The following TRERF1 variants were observed in gnomAD, a reference collection of about 807,000 sequenced individuals.
The protein encoded by TRERF1 is transcriptional regulating factor 1.
TRERF1 carries 27 observed loss-of-function variants against 122.9 expected under a neutral mutation model. The ratio of observed to expected loss-of-function variants is 0.22; its 90% CI spans 0.16 to 0.30. TRERF1 has a LOEUF of 0.30. TRERF1 is among the 10% of genes least tolerant of loss of function. TRERF1 has a pLI of 1.00. For missense variants in TRERF1, 1,248 were observed against 1,560.3 expected, an observed-to-expected ratio of 0.80 and a Z score of 3.37; for synonymous variants, 636 against 641.7, an observed-to-expected ratio of 0.99 and a Z score of 0.13.
At position 42,431,544 on chromosome 6, in the gene TRERF1, A is replaced by G. The variant is rs112330483; in HGVS notation, c.-454+19633T>C. Among the ~76,000 whole-genome samples the G allele has an allele frequency of 1.4e-3, 214 of 152,302 alleles. 1 individual carries two copies. The highest frequency in any genetic ancestry group is 4.5e-3 in the African/African-American group (189 of 41,548). ...GCCCTGTGGCTGCCCTGATACTCCA[A>G]TTAGTGGGCCCTCTATTTACACCTC... On this transcript the variant is annotated intron_variant, in intron 2 of 17. Transcript: ENST00000372922.
intron 2 of TRERF1, among the ~76,000 whole-genome samples, chr6:42,415,186 A>C (rs779510178): frequency 6.6e-6 from 1 of 152,174 alleles, no homozygotes; most frequent in Non-Finnish European, 1.5e-5. Flanking sequence ...AGAACCACTT[A>C]CACTTCTTTT....
intron 4 of TRERF1, among the ~76,000 whole-genome samples, chr6:42,274,552 C>T (rs1345870554): frequency 6.6e-6 from 1 of 151,838 alleles, no homozygotes; most frequent in African/African-American, 2.4e-5. Flanking sequence ...GGTGGTGCAC[C>T]CCTGTAGTCC....
At chr6:42,242,519 T>C (rs1773936403) in intron 15 of TRERF1, among the ~76,000 whole-genome samples, 1 of 152,130 alleles carries the variant, frequency 6.6e-6, no homozygotes, top group Non-Finnish European at 1.5e-5. Flanking sequence ...TTCCACAGAG[T>C]GTGAAAAGGA....
chr6:42,420,844 TAGA>T lies in TRERF1; in HGVS notation c.-454+30330_-454+30332del, dbSNP rs142140512. On this transcript the variant is annotated intron_variant, in intron 2 of 17. Coordinates refer to ENST00000372922, the Ensembl canonical transcript of TRERF1. ...GATCCAATCCAATCTCCCACTGAGG[TAGA>T]AGAAGGTGGACAAGAATTCTGCTTC... Among the ~76,000 whole-genome samples, 2,345 of 152,260 alleles carry T rather than the reference TAGA, an allele frequency of 0.015. 84 individuals are homozygous for T. In the East Asian group the frequency reaches 0.16, roughly 10 times the overall value.
At chr6:42,445,386 ACAC>A (rs1229636827) in intron 2 of TRERF1, among the ~76,000 whole-genome samples, 31 of 151,120 alleles carry the variant, frequency 2.1e-4, no homozygotes, top group African/African-American at 7.6e-4. Context: ...ACACACACAC[ACAC>A]AGCACACACC....
At chr6:42,350,294 G>A (rs1337942650) in intron 3 of TRERF1, among the ~76,000 whole-genome samples, 1 of 152,096 alleles carries the variant, frequency 6.6e-6, no homozygotes, top group Non-Finnish European at 1.5e-5. Flanking sequence ...GATTTGCTTC[G>A]GGTCACATGG....
At position 42,236,194 on chromosome 6, in the gene TRERF1, G is replaced by A. The variant is rs370483638; in HGVS notation, c.3066+11C>T. On this transcript the variant is annotated intron_variant, in intron 16 of 17. Coordinates refer to ENST00000372922, the Ensembl canonical transcript of TRERF1. ...TTGTCCCAGATCCCCAGACGACACA[G>A]ACACACTTACAGCCCCACAGTTGGG... 7 of 1,555,566 alleles carry A rather than the reference G, an allele frequency of 4.5e-6. No homozygotes were observed. The highest frequency in any genetic ancestry group is 6.1e-6 in the Non-Finnish European group (7 of 1,156,314).
intron 3 of TRERF1, among the ~76,000 whole-genome samples, chr6:42,333,520 G>C (rs748632965): frequency 1.3e-5 from 2 of 152,196 alleles, no homozygotes; most frequent in Non-Finnish European, 2.9e-5. Context: ...TGCGGTGGCC[G>C]CATCAGTCAG....
rs113050312 is a variant in TRERF1 at position 42,264,816 on chromosome 6, G to C, written c.1523C>G (p.Ala508Gly). ...GATGGAGCATGTCAGCTTGTTCTTG[G>C]CATCAAACTGCTCCCCAAACGCTCC... Residue 508 changes from alanine to glycine, a missense_variant, in exon 7 of 18, where the codon GCC (alanine) becomes GGC (glycine). Coordinates refer to ENST00000372922, the Ensembl canonical transcript of TRERF1. 1.9e-6 allele frequency: 3 copies of C among 1,614,040 alleles called. No individual in the cohort carries two copies. Among genetic ancestry groups the C allele is most frequent in the African/African-American group, 2.7e-5 (2 of 74,924 alleles).
chr6:42,266,485 G>A (rs1473858970), intron 5 of TRERF1, among the ~76,000 whole-genome samples: 2 of 152,116 alleles, frequency 1.3e-5, no homozygotes, highest in African/African-American at 4.8e-5. Context: ...CACCATATCT[G>A]GCCCTGGAAT....
At chr6:42,358,783 CTTTTTTTTTT>C (rs397886998) in intron 3 of TRERF1, among the ~76,000 whole-genome samples, 1 of 125,150 alleles carries the variant, frequency 8.0e-6, no homozygotes, top group African/African-American at 3.1e-5. Context: ...TGACCTAAAG[CTTTTTTTTTT>C]TTTTTTTTTT....
intron 4 of TRERF1, among the ~76,000 whole-genome samples, chr6:42,271,545 A>T (rs1258401753): frequency 6.6e-6 from 1 of 152,220 alleles, no homozygotes; most frequent in Non-Finnish European, 1.5e-5. Flanking sequence ...TCATATACAT[A>T]AAGGTGTATA....
chr6:42,317,836 T>A (rs991733290), intron 3 of TRERF1, among the ~76,000 whole-genome samples: 3 of 152,110 alleles, frequency 2.0e-5, no homozygotes, highest in African/African-American at 7.2e-5. Context: ...ATCCTGCTTA[T>A]AAAATAAGCA....
chr6:42,431,252 A>G (rs1784460014), intron 2 of TRERF1, among the ~76,000 whole-genome samples: 1 of 152,134 alleles, frequency 6.6e-6, no homozygotes, highest in Non-Finnish European at 1.5e-5. Flanking sequence ...TAACATATAT[A>G]TAACTAGCAA....
At chr6:42,407,278 A>G (rs1033971159) in intron 2 of TRERF1, among the ~76,000 whole-genome samples, 2 of 152,172 alleles carry the variant, frequency 1.3e-5, no homozygotes, top group Non-Finnish European at 1.5e-5. Flanking sequence ...GAAAGGGCAC[A>G]TATTTATTTG....
At chr6:42,386,276 T>G (rs1405495370) in intron 2 of TRERF1, among the ~76,000 whole-genome samples, 1 of 152,156 alleles carries the variant, frequency 6.6e-6, no homozygotes, top group East Asian at 1.9e-4. Context: ...ATACAGTGAC[T>G]GTATTTTTAG....
chr6:42,282,243 G>A (rs186187586), intron 4 of TRERF1, among the ~76,000 whole-genome samples: 52 of 152,346 alleles, frequency 3.4e-4, no homozygotes, highest in Middle Eastern at 6.8e-3. Context: ...GGGATACTAT[G>A]CAGTTGTTAA....
chr6:42,242,769 G>A (rs909709121), intron 15 of TRERF1, among the ~76,000 whole-genome samples: 1 of 152,212 alleles, frequency 6.6e-6, no homozygotes, highest in African/African-American at 2.4e-5. Flanking sequence ...CTTAATGATG[G>A]AGGGTTCCTG....
chr6:42,440,708 CCTCT>C, intron 2 of TRERF1, among the ~76,000 whole-genome samples: 1 of 152,202 alleles, frequency 6.6e-6, no homozygotes, highest in Non-Finnish European at 1.5e-5. Context: ...ATTTTAATTC[CCTCT>C]AACTTTAAAA....
Sources: gnomAD v4.1 joint callset for allele counts (sites outside exome capture counted in the v4.1 genomes callset) on GRCh38, gnomAD v4.1.1 for gene constraint, MANE v1.5 for transcripts, NCBI Gene and HGNC (gene_info 2026-07-23, HGNC 2026-07-21) for gene names.